TRMU: variants seen among roughly 807,000 people sequenced by gnomAD.
TRMU encodes tRNA mitochondrial 2-thiouridylase, also known as mitochondrial tRNA-specific 2-thiouridylase 1.
In TRMU, 49 loss-of-function variants were observed where a neutral mutation model predicts 46.9. That is an observed-to-expected ratio of 1.05 (90% confidence interval 0.83 to 1.33). The LOEUF (loss-of-function observed/expected upper bound fraction) is 1.33, where lower values mean the gene tolerates loss of function less well. Ranked by LOEUF, TRMU falls within the 40% of genes most tolerant of loss-of-function variation. TRMU has a pLI of 0.00. For missense variants in TRMU, 572 were observed against 532.4 expected, an observed-to-expected ratio of 1.07 and a Z score of -0.73; for synonymous variants, 241 against 200.9, an observed-to-expected ratio of 1.20 and a Z score of -1.69.
chr22:46,352,684 A>C, intron 7 of TRMU: 1 of 383,896 alleles, frequency 2.6e-6, no homozygotes, highest in South Asian at 2.2e-5. Context: ...TGATTCAGGG[A>C]GTAAGGTGGA....
intron 8 of TRMU, 67 bp downstream of exon 8, chr22:46,353,934 C>T (rs1448020832): frequency 6.6e-7 from 1 of 1,515,516 alleles, no homozygotes; most frequent in South Asian, 1.1e-5. Context: ...GCTTCCAGAC[C>T]AGGGCTTGAG....
At chr22:46,356,770 G>C in intron 10 of TRMU, 72 bp from the exon 11 acceptor site, 1 of 1,581,590 alleles carries the variant, frequency 6.3e-7, no homozygotes, top group Non-Finnish European at 8.6e-7. Context: ...CCCCATAGGG[G>C]AGCACTCTGC....
chr22:46,353,347 T>A, intron 7 of TRMU: 1 of 257,696 alleles, frequency 3.9e-6, no homozygotes, highest in South Asian at 4.4e-5. Context: ...ATTGTGAGGG[T>A]GCGCAGAGCA....
rs1346405535 is a variant in TRMU, at chr22:46,347,818, GC to G, written c.478+1275del. On this transcript the variant is annotated intron_variant, in intron 4 of 10. Coordinates refer to ENST00000645190, the MANE Select transcript of TRMU (RefSeq NM_018006.5). This position sits in a 1 kb window ranked among gnomAD's most constrained non-coding sequence, Gnocchi z 5.0. ...TCACTCCCCAGCCCCTGCTGCTTCT[GC>G]TGGGTCAGGCCCCAGCTGAGTTCTT... 6.6e-6 allele frequency among the ~76,000 whole-genome samples: 1 copy of G among 152,206 alleles called. No individual in the cohort carries two copies. Among genetic ancestry groups the G allele is most frequent in the African/African-American group, 2.4e-5 (1 of 41,446 alleles).
In TRMU at chr22:46,350,971, G is replaced by A. The variant is rs1031852477; in HGVS notation, c.651+508G>A. Among the ~76,000 whole-genome samples, 7 of 152,246 alleles carry A rather than the reference G, an allele frequency of 4.6e-5. No individual in the cohort carries two copies. Among genetic ancestry groups the A allele is most frequent in the African/African-American group, 1.7e-4 (7 of 41,458 alleles). On this transcript the variant is annotated intron_variant, in intron 5 of 10. Coordinates refer to ENST00000645190, the MANE Select transcript of TRMU (RefSeq NM_018006.5). This position sits in a 1 kb window ranked among gnomAD's most constrained non-coding sequence, Gnocchi z 4.6. ...TCGCCTCCATGGAGCCCGCCCGCGA[G>A]TGGGGGACACAGGCAGGAGGCCAAT...
In TRMU at chr22:46,352,607, A is replaced by G. The variant is rs570507051; in HGVS notation, c.772+277A>G. 109 of 541,592 alleles carry G rather than the reference A, an allele frequency of 2.0e-4. 3 individuals are homozygous for G. In the South Asian group the frequency reaches 2.1e-3, roughly 11 times the overall value. 33.5% of individuals were successfully genotyped at this position (541,592 alleles called of 1,614,324 possible). Reference sequence around the variant, plus strand: ...ACTATACTCTGTGAGTTACGTATCAAGTCCCTGTAAAAAGAATGATTTCCT... The same window carrying G: ...ACTATACTCTGTGAGTTACGTATCAGGTCCCTGTAAAAAGAATGATTTCCT... On this transcript the variant is annotated intron_variant, in intron 7 of 10. Coordinates refer to ENST00000645190, the MANE Select transcript of TRMU (RefSeq NM_018006.5).
chr22:46,355,445 C>T lies in TRMU; in HGVS notation c.875C>T (p.Ala292Val), dbSNP rs1179705903. 3 of 1,612,756 alleles carry T rather than the reference C, an allele frequency of 1.9e-6. No homozygotes were observed. The highest frequency in any genetic ancestry group is 3.3e-5 in the Admixed American group (2 of 60,012). ...CCACCTTCACATTCCATTCTGCAGG[C>T]CCCCCGGACAGACCACCCAGCCCTG... ...KDSVKGDVFV[A>V]PRTDHPALYR... The change falls in exon 9 of 11, where the codon GCC (alanine) becomes GTC (valine). Residue 292 changes from alanine to valine, a missense_variant and splice_region_variant. Physicochemically the swap from Ala to Val is moderately conservative, Grantham distance 64. Transcript: ENST00000645190.
chr22:46,336,113 A>C lies in TRMU; in HGVS notation c.82+267A>C. The C allele has an allele frequency of 7.5e-7, 1 of 1,333,864 alleles. No individual in the cohort carries two copies. Among genetic ancestry groups the C allele is most frequent in the Admixed American group, 3.5e-5 (1 of 28,386 alleles). 82.6% of individuals were successfully genotyped at this position (1,333,864 alleles called of 1,614,324 possible). On this transcript the variant is annotated intron_variant, in intron 1 of 10. Transcript: ENST00000645190. This position sits in a 1 kb window ranked among gnomAD's most constrained non-coding sequence, Gnocchi z 4.1. ...CCACGCGCGCCCACCCACAGTGAGA[A>C]GCCGGCGGGCCGGGGTGGGGTGGGG...
At position 46,351,652 on chromosome 22, in the gene TRMU, G is replaced by A. The variant is rs549691890; in HGVS notation, c.652-469G>A. On this transcript the variant is annotated intron_variant, in intron 5 of 10. Coordinates refer to ENST00000645190, the MANE Select transcript of TRMU (RefSeq NM_018006.5). This position sits in a 1 kb window ranked among gnomAD's most constrained non-coding sequence, Gnocchi z 6.4. ...ACGATGCAGCCCCTGATGGGGCCAC[G>A]GTGGAGAGCGCACGCCACCCAGGCT... 1.1e-4 allele frequency: 30 copies of A among 273,318 alleles called. No homozygotes were observed. The East Asian group carries it at 1.4e-3, about 13-fold the overall frequency. The allele number at this position is 273,318 out of a possible 1,614,324, so 16.9% of individuals were successfully genotyped here.
At chr22:46,337,044 G>C (rs2077996902) in intron 1 of TRMU, among the ~76,000 whole-genome samples, 1 of 152,210 alleles carries the variant, frequency 6.6e-6, no homozygotes, top group Admixed American at 6.5e-5. Context: ...GTAGACATTA[G>C]TCTGGTTGAT....
In TRMU at chr22:46,349,533, T is replaced by C. The variant is rs1218796019; in HGVS notation, c.479-758T>C. 6.6e-6 allele frequency among the ~76,000 whole-genome samples: 1 copy of C among 152,214 alleles called. No homozygotes were observed. The highest frequency in any genetic ancestry group is 1.5e-5 in the Non-Finnish European group (1 of 68,038). ...AGTGTAACTCGAAAGGAGAAGTTTA[T>C]GAGAAAGATTGAAAGAAGCCAGAAA... On this transcript the variant is annotated intron_variant, in intron 4 of 10. Coordinates refer to ENST00000645190, the MANE Select transcript of TRMU (RefSeq NM_018006.5). This position sits in a 1 kb window ranked among gnomAD's most constrained non-coding sequence, Gnocchi z 4.6.
rs759299447 is a variant in TRMU at position 46,352,138 on chromosome 22, C to T, written c.669C>T (p.Phe223=). The change falls in exon 6 of 11, where the codon TTC becomes TTT. Residue 223 remains phenylalanine, a synonymous_variant. Transcript: ENST00000645190. Reference sequence around the variant, plus strand: ...CATTTCAGAGCATGGGCATGTGTTTCATCGGGAAGAGGAATTTTGAACATT... The same window carrying T: ...CATTTCAGAGCATGGGCATGTGTTTTATCGGGAAGAGGAATTTTGAACATT... ...LQKKESMGMC[F]IGKRNFEHFL... is the part of the protein sequence containing the mutation. The T allele has an allele frequency of 6.2e-7, 1 of 1,613,656 alleles. No homozygotes were observed. Among genetic ancestry groups the T allele is most frequent in the Non-Finnish European group, 8.5e-7 (1 of 1,180,046 alleles).
rs933814215 is a variant in TRMU, at chr22:46,351,991, C to T, written c.652-130C>T. The T allele has an allele frequency of 6.9e-6, 7 of 1,021,846 alleles. No individual in the cohort carries two copies. In the Admixed American group the frequency reaches 1.2e-4, roughly 17 times the overall value. 63.3% of individuals were successfully genotyped at this position (1,021,846 alleles called of 1,614,324 possible). ...GGCGGCCGAGGGTGCCGGTGGGCAGCCGGGCCCCTACCCTGGAAGCAAAGT... is the reference window on the plus strand; with the variant it reads ...GGCGGCCGAGGGTGCCGGTGGGCAGTCGGGCCCCTACCCTGGAAGCAAAGT... On this transcript the variant is annotated intron_variant, in intron 5 of 10. Coordinates refer to ENST00000645190, the MANE Select transcript of TRMU (RefSeq NM_018006.5). The surrounding 1 kb of genome is among the most constrained non-coding windows in gnomAD (Gnocchi z 6.4).
Position 46,338,113 on chromosome 22 carries a change from G to C in TRMU, c.248+169G>C, listed in dbSNP as rs571918464. ...CAGCCACCCTCGGGGCTCTGTGTTA[G>C]AGGCGAGGCCTGGACCCCACAGCAC... On this transcript the variant is annotated intron_variant, in intron 2 of 10. Coordinates refer to ENST00000645190, the MANE Select transcript of TRMU (RefSeq NM_018006.5). This position sits in a 1 kb window ranked among gnomAD's most constrained non-coding sequence, Gnocchi z 4.5. 4.6e-5 allele frequency: 41 copies of C among 881,882 alleles called. 1 individual carries two copies. In the Admixed American group the frequency reaches 5.0e-4, roughly 11 times the overall value. 54.6% of individuals were successfully genotyped at this position (881,882 alleles called of 1,614,324 possible). A position where few individuals can be genotyped will look rare whatever the true frequency, so the allele number is the denominator to read the frequency against.
chr22:46,356,081 G>A lies in TRMU; in HGVS notation c.1101+9G>A, dbSNP rs2078598699. The A allele has an allele frequency of 1.2e-6, 2 of 1,613,824 alleles. No individual in the cohort carries two copies. Among genetic ancestry groups the A allele is most frequent in the Non-Finnish European group, 1.7e-6 (2 of 1,179,936 alleles). ...CCCTTGCCACAGGACAGGTGCGTGG[G>A]GTGTGGGGGTGAGCCCGGGGAGGAC... On this transcript the variant is annotated intron_variant, in intron 10 of 10. Transcript: ENST00000645190.
At position 46,338,154 on chromosome 22, in the gene TRMU, T is replaced by G. The variant is rs1487957582; in HGVS notation, c.248+210T>G. 6 of 602,466 alleles carry G rather than the reference T, an allele frequency of 1.0e-5. No homozygotes were observed. The highest frequency in any genetic ancestry group is 1.8e-5 in the Non-Finnish European group (6 of 341,528). The allele number at this position is 602,466 out of a possible 1,614,324, so 37.3% of individuals were successfully genotyped here. On this transcript the variant is annotated intron_variant, in intron 2 of 10. Coordinates refer to ENST00000645190, the MANE Select transcript of TRMU (RefSeq NM_018006.5). The surrounding 1 kb of genome is among the most constrained non-coding windows in gnomAD (Gnocchi z 4.5). ...CCCACAGCACACCCAGCTCTCTCAC[T>G]CCTGTCATTTTGCCACTTGCCTGAA...
chr22:46,350,217 CAGA>C lies in TRMU; in HGVS notation c.479-71_479-69del, dbSNP rs2078373242. 1.9e-6 allele frequency: 3 copies of C among 1,586,794 alleles called. No individual in the cohort carries two copies. The Admixed American group carries it at 5.0e-5, about 27-fold the overall frequency. ...GCTAGGGGTAGTCTGTCTAAGTGAA[CAGA>C]AGGACATTGTTGAAAGTGAAGTATC... On this transcript the variant is annotated intron_variant, in intron 4 of 10. Coordinates refer to ENST00000645190, the MANE Select transcript of TRMU (RefSeq NM_018006.5). The surrounding 1 kb of genome is among the most constrained non-coding windows in gnomAD (Gnocchi z 4.6).
At chr22:46,355,190 C>G (rs1431485860) in intron 8 of TRMU, 1 of 598,850 alleles carries the variant, frequency 1.7e-6, no homozygotes, top group Non-Finnish European at 3.0e-6. Flanking sequence ...GGGCTCGGAT[C>G]TCACCCCTGC....
At chr22:46,346,346 G>T in intron 3 of TRMU, 76 bp from the exon 4 acceptor site, 1 of 1,554,824 alleles carries the variant, frequency 6.4e-7, no homozygotes, top group Non-Finnish European at 8.7e-7. Context: ...CTCTTCTTTT[G>T]TGCCTTGGTT....
Sources: allele counts gnomAD v4.1 joint callset (sites outside exome capture counted in the v4.1 genomes callset), GRCh38; gene constraint gnomAD v4.1.1; non-coding constraint Gnocchi (gnomAD v3.1); transcripts MANE v1.5; gene names NCBI Gene and HGNC (gene_info 2026-07-23, HGNC 2026-07-21).